Variants in SNTB1 observed in about 807,000 individuals in gnomAD.
The protein encoded by SNTB1 is syntrophin beta 1.
In SNTB1, 36 loss-of-function variants were observed where a neutral mutation model predicts 48.9. The observed-to-expected ratio is 0.74, with a 90% CI of 0.56 to 0.97. SNTB1 has a LOEUF of 0.97. Ranked by LOEUF, SNTB1 falls within the 50% of genes least tolerant of loss-of-function variation. The pLI, the probability that SNTB1 is intolerant of heterozygous loss-of-function variation, is 0.00. For missense variants in SNTB1, 786 were observed against 703.4 expected (o/e 1.12, Z -1.33); for synonymous variants, 299 against 294.6 (o/e 1.01, Z -0.15).
At position 120,597,825 on chromosome 8, in the gene SNTB1, C is replaced by G. The variant is rs139630239; in HGVS notation, c.997-22600G>C. ...GGGATGAATCAGGCTTCTGGCTCAT[C>G]CTGCTGCCCCAACGACTTACAATCT... On this transcript the variant is annotated intron_variant, in intron 3 of 6. Coordinates refer to ENST00000517992, the MANE Select transcript of SNTB1 (RefSeq NM_021021.4). Among the ~76,000 whole-genome samples the G allele has an allele frequency of 6.0e-3, 913 of 152,340 alleles. 7 individuals are homozygous for G. The highest frequency in any genetic ancestry group is 0.02 in the African/African-American group (845 of 41,580).
chr8:120,564,102 C>T (rs1305449671), intron 4 of SNTB1, among the ~76,000 whole-genome samples: 1 of 144,806 alleles, frequency 6.9e-6, no homozygotes, highest in South Asian at 2.2e-4. Flanking sequence ...GAGCAAAACT[C>T]TGTCTCAAAC....
chr8:120,658,467 C>A (rs1817533333), intron 2 of SNTB1, among the ~76,000 whole-genome samples: 1 of 152,140 alleles, frequency 6.6e-6, no homozygotes, highest in Non-Finnish European at 1.5e-5. Flanking sequence ...CAGTTCCAGA[C>A]CACCACAATA....
At chr8:120,628,742 C>T (rs1389769032) in intron 3 of SNTB1, among the ~76,000 whole-genome samples, 1 of 151,216 alleles carries the variant, frequency 6.6e-6, no homozygotes, top group African/African-American at 2.4e-5. Context: ...GGAGACAGAG[C>T]GAGACTCCAT....
chr8:120,718,600 T>C (rs1394382471), intron 1 of SNTB1, among the ~76,000 whole-genome samples: 1 of 152,200 alleles, frequency 6.6e-6, no homozygotes, highest in Non-Finnish European at 1.5e-5. Flanking sequence ...TCTGAAAATA[T>C]TAGAAGTGGG....
intron 1 of SNTB1, chr8:120,761,507 G>T (rs762114100): frequency 1.3e-5 from 2 of 152,104 alleles, no homozygotes; most frequent in African/African-American, 4.8e-5. Flanking sequence ...TGCCCAGAAG[G>T]GAGAATAATG....
intron 2 of SNTB1, chr8:120,637,814 GCT>G (rs1272221259): frequency 3.3e-6 from 1 of 304,504 alleles, no homozygotes; most frequent in Non-Finnish European, 6.6e-6. Context: ...ATTTCAAGTT[GCT>G]CTGTCTCTTG....
At chr8:120,557,158 G>C (rs1322499913) in intron 4 of SNTB1, among the ~76,000 whole-genome samples, 1 of 152,208 alleles carries the variant, frequency 6.6e-6, no homozygotes, top group African/African-American at 2.4e-5. Flanking sequence ...AGTTTGTCTG[G>C]AAAAGAGAAG....
intron 4 of SNTB1, 111 bp from the exon 5 acceptor site, chr8:120,549,069 G>A: frequency 1.2e-6 from 1 of 818,340 alleles, no homozygotes; most frequent in Non-Finnish European, 1.9e-6. Flanking sequence ...TTCTGGTCTG[G>A]AATCAAAGGG....
rs541257037 is a variant in SNTB1 at position 120,602,486 on chromosome 8, A to G, written c.997-27261T>C. Among the ~76,000 whole-genome samples, 3 of 152,320 alleles carry G rather than the reference A, an allele frequency of 2.0e-5. No individual in the cohort carries two copies. In the South Asian group the frequency reaches 6.2e-4, roughly 32 times the overall value. On this transcript the variant is annotated intron_variant, in intron 3 of 6. Coordinates refer to ENST00000517992, the MANE Select transcript of SNTB1 (RefSeq NM_021021.4). ...CCTGAAAAGACCGAGGTTCCCCCGA[A>G]AGAAAGGAATTCTGCCTCTACACTG...
At chr8:120,676,053 T>C (rs1309604464) in intron 2 of SNTB1, among the ~76,000 whole-genome samples, 1 of 152,222 alleles carries the variant, frequency 6.6e-6, no homozygotes, top group African/African-American at 2.4e-5. Flanking sequence ...TTGCTAAATA[T>C]TGTTATATAC....
chr8:120,619,751 T>A (rs1816764990), intron 3 of SNTB1, among the ~76,000 whole-genome samples: 1 of 152,158 alleles, frequency 6.6e-6, no homozygotes, highest in Non-Finnish European at 1.5e-5. Flanking sequence ...GTCATTGTGT[T>A]AAGGGCCAGT....
chr8:120,794,506 C>T (rs1192289340), intron 1 of SNTB1, among the ~76,000 whole-genome samples: 1 of 151,762 alleles, frequency 6.6e-6, no homozygotes, highest in East Asian at 1.9e-4. Flanking sequence ...CACACACACT[C>T]AAGTATATAA....
intron 2 of SNTB1, among the ~76,000 whole-genome samples, chr8:120,691,977 A>C (rs896437999): frequency 6.6e-6 from 1 of 152,228 alleles, no homozygotes; most frequent in Admixed American, 6.5e-5. Flanking sequence ...CTGCAGGCCC[A>C]GGAACTCTGC....
intron 1 of SNTB1, among the ~76,000 whole-genome samples, chr8:120,753,130 A>G (rs1819251957): frequency 6.6e-6 from 1 of 152,010 alleles, no homozygotes; most frequent in South Asian, 2.1e-4. Context: ...TTGGGCCATC[A>G]CAGGCAGTTT....
At chr8:120,722,864 T>C (rs1818687905) in intron 1 of SNTB1, among the ~76,000 whole-genome samples, 1 of 152,210 alleles carries the variant, frequency 6.6e-6, no homozygotes, top group African/African-American at 2.4e-5. Flanking sequence ...TCTAGAGTTT[T>C]TATGGTTTTA....
chr8:120,542,225 C>G (rs1248026829), intron 5 of SNTB1: 2 of 472,440 alleles, frequency 4.2e-6, no homozygotes, highest in Non-Finnish European at 7.5e-6. Flanking sequence ...AAAGAAATTC[C>G]TTTTTCTAGG....
At chr8:120,753,391 C>T (rs1819255607) in intron 1 of SNTB1, among the ~76,000 whole-genome samples, 1 of 152,106 alleles carries the variant, frequency 6.6e-6, no homozygotes, top group Non-Finnish European at 1.5e-5. Context: ...GACTTGTAAC[C>T]CCATCTCTTT....
chr8:120,691,646 C>T (rs1051218002), intron 2 of SNTB1, among the ~76,000 whole-genome samples: 1 of 152,150 alleles, frequency 6.6e-6, no homozygotes, highest in African/African-American at 2.4e-5. Flanking sequence ...ACCAGTTCTT[C>T]CCACTTTTCT....
At chr8:120,621,013 A>T (rs2130741651) in intron 3 of SNTB1, among the ~76,000 whole-genome samples, 1 of 150,690 alleles carries the variant, frequency 6.6e-6, no homozygotes, top group East Asian at 2.0e-4. Flanking sequence ...AGGCTGGAGT[A>T]CAGTGGTGCA....
Sources: allele counts gnomAD v4.1 joint callset (sites outside exome capture counted in the v4.1 genomes callset), GRCh38; gene constraint gnomAD v4.1.1; transcripts MANE v1.5; gene names NCBI Gene and HGNC (gene_info 2026-07-23, HGNC 2026-07-21).